Variants in WWP2 observed in about 807,000 individuals in gnomAD.
WWP2 encodes NEDD4-like E3 ubiquitin-protein ligase WWP2.
A neutral mutation model predicts 121.0 loss-of-function variants in WWP2; 57 were observed. That is an observed-to-expected ratio of 0.47 (90% CI 0.38 to 0.59). The LOEUF is 0.59. Among genes scored for constraint, WWP2 ranks in the 20% least tolerant of loss-of-function variants. The pLI, the probability that WWP2 is intolerant of heterozygous loss-of-function variation, is 0.00. For missense variants in WWP2, 962 were observed against 1,158.9 expected, an observed-to-expected ratio of 0.83 and a Z score of 2.47; for synonymous variants, 449 against 441.3, an observed-to-expected ratio of 1.02 and a Z score of -0.22.
chr16:69,921,861 G>T (rs1317083109), intron 10 of WWP2, among the ~76,000 whole-genome samples: 2 of 152,030 alleles, frequency 1.3e-5, no homozygotes, highest in Non-Finnish European at 2.9e-5. Flanking sequence ...ATCACTTGAG[G>T]TCGGGAGTTC....
intron 1 of WWP2, among the ~76,000 whole-genome samples, chr16:69,772,035 C>T (rs1381776364): frequency 2.2e-5 from 3 of 136,490 alleles, no homozygotes; most frequent in African/African-American, 8.1e-5. Flanking sequence ...GATCTTAGCT[C>T]ACCATGACCT....
chr16:69,849,724 C>T (rs2057165649), intron 6 of WWP2, among the ~76,000 whole-genome samples: 1 of 151,836 alleles, frequency 6.6e-6, no homozygotes, highest in African/African-American at 2.4e-5. Context: ...AGAAGGATCG[C>T]TTGAGGCCAG....
In WWP2 at chr16:69,888,447, A is replaced by G. The variant is rs532482467; in HGVS notation, c.914+198A>G. Among the ~76,000 whole-genome samples the G allele has an allele frequency of 5.3e-5, 8 of 152,352 alleles. 1 individual carries two copies. In the South Asian group the frequency reaches 1.7e-3, roughly 32 times the overall value. ...AAAAAGAATCTCAGTCGCCTGGGGC[A>G]GAATCAATGCTACCTTGTACTGTGA... On this transcript the variant is annotated intron_variant, in intron 8 of 23. Coordinates refer to ENST00000359154, the MANE Select transcript of WWP2 (RefSeq NM_001270454.2).
At chr16:69,854,202 G>C (rs757918597) in intron 6 of WWP2, among the ~76,000 whole-genome samples, 1 of 152,204 alleles carries the variant, frequency 6.6e-6, no homozygotes, top group Non-Finnish European at 1.5e-5. Flanking sequence ...AAGAGTATGG[G>C]TGTTGGAGAA....
chr16:69,855,542 G>A (rs1017856942), intron 6 of WWP2, among the ~76,000 whole-genome samples: 2 of 152,042 alleles, frequency 1.3e-5, no homozygotes, highest in Non-Finnish European at 2.9e-5. Flanking sequence ...TGATTCATGC[G>A]AAAAATATGT....
chr16:69,780,329 T>C (rs1001215491), intron 1 of WWP2, among the ~76,000 whole-genome samples: 2 of 152,172 alleles, frequency 1.3e-5, no homozygotes, highest in Admixed American at 1.3e-4. Context: ...ATATTTCAGG[T>C]ACTATATAGC....
intron 1 of WWP2, among the ~76,000 whole-genome samples, chr16:69,781,448 G>C (rs1402896971): frequency 1.3e-5 from 2 of 152,108 alleles, no homozygotes; most frequent in Non-Finnish European, 2.9e-5. Flanking sequence ...TGGGCTCAAG[G>C]GATCCTCCCA....
At chr16:69,840,042 T>G in intron 4 of WWP2, 84 bp from the exon 5 acceptor site, 2 of 1,569,190 alleles carry the variant, frequency 1.3e-6, no homozygotes, top group Non-Finnish European at 1.7e-6. Flanking sequence ...CCAGCAAAGG[T>G]GAAATGAAAG....
intron 2 of WWP2, among the ~76,000 whole-genome samples, chr16:69,792,239 A>G (rs1438632857): frequency 6.6e-6 from 1 of 152,086 alleles, no homozygotes; most frequent in Non-Finnish European, 1.5e-5. Context: ...TTTATTTGAT[A>G]TTTTACTAGA....
At chr16:69,779,106 C>T (rs1022933963) in intron 1 of WWP2, among the ~76,000 whole-genome samples, 5 of 151,934 alleles carry the variant, frequency 3.3e-5, no homozygotes, top group African/African-American at 1.2e-4. Context: ...CCCGCCACCA[C>T]ACCCGGCTAA....
Position 69,925,149 on chromosome 16 carries a change from A to G in WWP2, c.1180-281A>G. Reference sequence around the variant, plus strand: ...CTCCCTGCCTCCGCCACCCTGGCACACCTTCACCCGCGTACCGCCTCCTCC... The same window carrying G: ...CTCCCTGCCTCCGCCACCCTGGCACGCCTTCACCCGCGTACCGCCTCCTCC... On this transcript the variant is annotated intron_variant, in intron 10 of 23. Coordinates refer to ENST00000359154, the MANE Select transcript of WWP2 (RefSeq NM_001270454.2). The surrounding 1 kb of genome is among the most constrained non-coding windows in gnomAD (Gnocchi z 4.0). The G allele has an allele frequency of 8.4e-7, 1 of 1,185,290 alleles. No individual in the cohort carries two copies. Among genetic ancestry groups the G allele is most frequent in the South Asian group, 2.5e-5 (1 of 39,770 alleles). The allele number at this position is 1,185,290 out of a possible 1,614,324, so 73.4% of individuals were successfully genotyped here.
At chr16:69,838,486 G>A (rs142955243) in intron 4 of WWP2, among the ~76,000 whole-genome samples, 13 of 150,478 alleles carry the variant, frequency 8.6e-5, no homozygotes, top group African/African-American at 2.4e-4. Context: ...CAACACTTAC[G>A]ATTGCATAGT....
chr16:69,854,383 G>A (rs1039937012), intron 6 of WWP2, among the ~76,000 whole-genome samples: 6 of 152,050 alleles, frequency 3.9e-5, no homozygotes, highest in Non-Finnish European at 5.9e-5. Context: ...TTTTCCTTTC[G>A]GATTCTGTTG....
intron 4 of WWP2, among the ~76,000 whole-genome samples, chr16:69,820,019 G>A (rs1214151248): frequency 2.0e-5 from 3 of 152,096 alleles, no homozygotes; most frequent in African/African-American, 7.2e-5. Context: ...GCGGGGGCAG[G>A]GGATGGATGG....
chr16:69,797,258 G>A (rs771491129), intron 2 of WWP2, among the ~76,000 whole-genome samples: 62 of 152,238 alleles, frequency 4.1e-4, no homozygotes, highest in Non-Finnish European at 7.1e-4. Context: ...AAGAAGAAAT[G>A]TAGATGACTA....
At chr16:69,917,987 C>T (rs1028454293) in intron 10 of WWP2, 104 bp downstream of exon 10, 16 of 1,373,904 alleles carry the variant, frequency 1.2e-5, no homozygotes, top group South Asian at 5.8e-5. Context: ...GGGAAAACAG[C>T]GTCTGGCAAC....
intron 4 of WWP2, chr16:69,838,601 T>C: frequency 3.3e-6 from 1 of 300,542 alleles, no homozygotes; most frequent in Non-Finnish European, 4.9e-6. Flanking sequence ...TAGGCTCTGC[T>C]GGGGCTGGAG....
At chr16:69,770,002 C>A (rs1043502687) in intron 1 of WWP2, among the ~76,000 whole-genome samples, 1 of 151,818 alleles carries the variant, frequency 6.6e-6, no homozygotes, top group Non-Finnish European at 1.5e-5. Flanking sequence ...GCTGGGGCTA[C>A]AGGCACATGC....
At chr16:69,849,482 T>TTC (rs1555553865) in intron 6 of WWP2, among the ~76,000 whole-genome samples, 2,052 of 149,654 alleles carry the variant, frequency 0.014, 22 homozygotes, top group Middle Eastern at 0.02. Flanking sequence ...TTTATTTATT[T>TTC]ATTCATTCAT....
Sources: gnomAD v4.1 joint callset for allele counts (sites outside exome capture counted in the v4.1 genomes callset) on GRCh38, gnomAD v4.1.1 for gene constraint, Gnocchi (gnomAD v3.1) non-coding constraint, MANE v1.5 for transcripts, NCBI Gene and HGNC (gene_info 2026-07-23, HGNC 2026-07-21) for gene names.